The following SETD7 variants were observed in gnomAD, a reference collection of about 807,000 sequenced individuals.
The protein encoded by SETD7 is SET domain containing 7, histone lysine methyltransferase.
Under a neutral mutation model 41.8 loss-of-function variants are expected in SETD7, and 16 were observed. The observed-to-expected ratio is 0.38, with a 90% CI of 0.26 to 0.58. SETD7 has a LOEUF of 0.58. SETD7 is among the 20% of genes least tolerant of loss of function. The pLI is 0.64. For missense variants in SETD7, 346 were observed against 459.7 expected, an observed-to-expected ratio of 0.75 and a Z score of 2.26; for synonymous variants, 163 against 169.7, an observed-to-expected ratio of 0.96 and a Z score of 0.31.
At chr4:139,505,317 G>A (rs751071158), downstream of SETD7, among the ~76,000 whole-genome samples, 4 of 152,150 alleles carry the variant, frequency 2.6e-5, no homozygotes, top group Non-Finnish European at 4.4e-5. Flanking sequence ...GGCTGGGCAC[G>A]GTGACTCATG....
At chr4:139,543,753 C>A (rs547966603) in intron 2 of SETD7, among the ~76,000 whole-genome samples, 2 of 150,028 alleles carry the variant, frequency 1.3e-5, no homozygotes, top group Admixed American at 1.3e-4. Context: ...GAGATCAAGA[C>A]CATCCTGGCT....
chr4:139,556,176 T>C lies in SETD7; in HGVS notation c.-39A>G. The C allele has an allele frequency of 6.3e-7, 1 of 1,578,710 alleles. No homozygotes were observed. The highest frequency in any genetic ancestry group is 8.6e-7 in the Non-Finnish European group (1 of 1,163,140). The stretch of plus-strand genomic sequence containing the variant: ...ACTGCCCAGCTCGGGGCTGCGCGGC[T>C]GCCTCCCGTCCCTCTGGGTGCTCCC... On this transcript the variant is annotated 5_prime_UTR_variant, in exon 1 of 8. Coordinates refer to ENST00000274031, the MANE Select transcript of SETD7 (RefSeq NM_030648.4).
chr4:139,525,750 G>A (rs1727309831), intron 4 of SETD7, among the ~76,000 whole-genome samples: 1 of 152,168 alleles, frequency 6.6e-6, no homozygotes, highest in African/African-American at 2.4e-5. Flanking sequence ...TACAGTCACA[G>A]GACCCTGTAC....
intron 2 of SETD7, among the ~76,000 whole-genome samples, chr4:139,544,175 A>G (rs1263002946): frequency 1.3e-5 from 2 of 151,544 alleles, no homozygotes; most frequent in Admixed American, 1.3e-4. Context: ...ACCTGTAGTC[A>G]CAGCTACTCA....
intron 2 of SETD7, among the ~76,000 whole-genome samples, chr4:139,538,422 T>A (rs1202912092): frequency 6.6e-6 from 1 of 152,142 alleles, no homozygotes; most frequent in African/African-American, 2.4e-5. Flanking sequence ...CTCCACCTCC[T>A]GGGTTCAAGC....
At chr4:139,529,595 G>A (rs184919586) in intron 3 of SETD7, among the ~76,000 whole-genome samples, 4 of 152,304 alleles carry the variant, frequency 2.6e-5, no homozygotes, top group Admixed American at 2.6e-4. Flanking sequence ...ATGTAACTAA[G>A]TGTTATTTTT....
At chr4:139,505,877 G>T (rs1205672909), downstream of SETD7, among the ~76,000 whole-genome samples, 1 of 152,000 alleles carries the variant, frequency 6.6e-6, no homozygotes, top group African/African-American at 2.4e-5. Context: ...CAAATCCTCC[G>T]CTCTTACTAG....
At position 139,499,780 on chromosome 4, in the gene SETD7, C is replaced by T. The variant is rs77287768; in HGVS notation, c.921-3259G>A. Among the ~76,000 whole-genome samples the T allele has an allele frequency of 3.1e-3, 476 of 152,252 alleles. 1 individual carries two copies. The highest frequency in any genetic ancestry group is 9.9e-3 in the African/African-American group (412 of 41,542). ...AATTCTTTCTTCGCTGCAACATCTG[C>T]TGTTCTCAGTGCACTGTTTTTTTGT... On this transcript the variant is annotated intron_variant, in intron 7 of 7. Coordinates refer to the SETD7 transcript ENST00000506866.
downstream of SETD7, among the ~76,000 whole-genome samples, chr4:139,494,712 G>A (rs187362389): frequency 7.2e-5 from 11 of 152,338 alleles, no homozygotes; most frequent in East Asian, 1.7e-3. Flanking sequence ...AATTGATACT[G>A]GATGTTGGAC....
intron 2 of SETD7, 119 bp from the exon 3 acceptor site, chr4:139,533,485 G>C: frequency 1.2e-6 from 1 of 803,420 alleles, no homozygotes; most frequent in Non-Finnish European, 2.0e-6. Flanking sequence ...TGGATTCAGC[G>C]CAGCCTCCTA....
At chr4:139,525,475 A>G (rs1014272774) in intron 4 of SETD7, among the ~76,000 whole-genome samples, 1 of 152,220 alleles carries the variant, frequency 6.6e-6, no homozygotes, top group African/African-American at 2.4e-5. Context: ...TTCAATGGAC[A>G]AACATTCATT....
intron 2 of SETD7, 29 bp from the exon 3 acceptor site, chr4:139,533,395 T>G (rs1438957451): frequency 6.3e-7 from 1 of 1,577,662 alleles, no homozygotes; most frequent in Non-Finnish European, 8.7e-7. Context: ...CAAAAAGGAA[T>G]AGTCAGACCA....
chr4:139,503,610 C>A (rs1322941680), downstream of SETD7, among the ~76,000 whole-genome samples: 2 of 151,340 alleles, frequency 1.3e-5, no homozygotes, highest in East Asian at 3.9e-4. Flanking sequence ...GTAAACCCCC[C>A]TCTACAGCCC....
At chr4:139,504,253 T>C (rs141589695), downstream of SETD7, among the ~76,000 whole-genome samples, 7 of 152,360 alleles carry the variant, frequency 4.6e-5, no homozygotes, top group East Asian at 1.3e-3. Flanking sequence ...TCCGTGTACA[T>C]TATAAGAAGT....
intron 2 of SETD7, among the ~76,000 whole-genome samples, chr4:139,542,571 C>T (rs1037338838): frequency 1.3e-5 from 2 of 151,792 alleles, no homozygotes; most frequent in African/African-American, 4.8e-5. Flanking sequence ...CTATATTTTA[C>T]CTTGAATATG....
chr4:139,528,619 C>T (rs1240086368), intron 4 of SETD7, among the ~76,000 whole-genome samples: 2 of 152,212 alleles, frequency 1.3e-5, no homozygotes, highest in Admixed American at 6.5e-5. Context: ...AGTAAAGTGC[C>T]ACCATGTCAG....
At chr4:139,499,075 T>A (rs910294374) in intron 7 of SETD7, among the ~76,000 whole-genome samples, 2 of 152,050 alleles carry the variant, frequency 1.3e-5, no homozygotes, top group Non-Finnish European at 2.9e-5. Context: ...AAGAAAAAAA[T>A]TTTCTGACCT....
At chr4:139,531,014 C>A (rs566287220) in intron 3 of SETD7, among the ~76,000 whole-genome samples, 1 of 152,056 alleles carries the variant, frequency 6.6e-6, no homozygotes, top group East Asian at 1.9e-4. Context: ...CTCCTCTGCT[C>A]ACTGGCTCCT....
At chr4:139,502,148 C>T (rs1041861646), downstream of SETD7, among the ~76,000 whole-genome samples, 1 of 152,232 alleles carries the variant, frequency 6.6e-6, no homozygotes, top group Non-Finnish European at 1.5e-5. Context: ...ATCTCTCATT[C>T]ATGCACTCAC....
Sources: allele counts gnomAD v4.1 joint callset (sites outside exome capture counted in the v4.1 genomes callset), GRCh38; gene constraint gnomAD v4.1.1; transcripts MANE v1.5; gene names NCBI Gene and HGNC (gene_info 2026-07-23, HGNC 2026-07-21).